The following COL5A2 variants were observed in gnomAD, a reference collection of about 807,000 sequenced individuals.
COL5A2 encodes collagen type V alpha 2 chain.
Under a neutral mutation model 208.2 loss-of-function variants are expected in COL5A2, and 23 were observed. That is an observed-to-expected ratio of 0.11 (90% confidence interval 0.08 to 0.16). COL5A2 has a LOEUF of 0.16. COL5A2 is among the 10% of genes least tolerant of loss of function. The pLI is 1.00. For synonymous variants in COL5A2, 625 were observed against 628.5 expected, an observed-to-expected ratio of 0.99 and a Z score of 0.08; for missense variants, 1,590 against 1,956.4, an observed-to-expected ratio of 0.81 and a Z score of 3.53.
At chr2:189,262,959 G>A in the COL5A2 span, among the ~76,000 whole-genome samples, 3 of 152,074 alleles carry the variant, frequency 2.0e-5, no homozygotes, top group African/African-American at 7.2e-5. Context: ...TTGCATTCCA[G>A]AGAAATTTAT....
chr2:189,359,115 A>T, the COL5A2 span, among the ~76,000 whole-genome samples: 5 of 152,174 alleles, frequency 3.3e-5, no homozygotes, highest in African/African-American at 1.2e-4. Context: ...GATGAGTAGA[A>T]GTGACAAGAG....
the COL5A2 span, among the ~76,000 whole-genome samples, chr2:189,429,444 G>A: frequency 6.6e-6 from 1 of 152,160 alleles, no homozygotes; most frequent in African/African-American, 2.4e-5. Context: ...TTCAAAGAAG[G>A]TTGACTCTAA....
the COL5A2 span, among the ~76,000 whole-genome samples, chr2:189,363,369 T>C: frequency 6.6e-6 from 1 of 152,128 alleles, no homozygotes; most frequent in Non-Finnish European, 1.5e-5. Context: ...AATTTACAAA[T>C]GTCTTCTAAA....
intron 13 of COL5A2, 74 bp downstream of exon 13, chr2:189,080,916 T>G: frequency 8.1e-7 from 1 of 1,230,334 alleles, no homozygotes; most frequent in Admixed American, 1.7e-5. Context: ...TTGTAAAGAT[T>G]TTGAAGGTAA....
Position 189,088,678 on chromosome 2 carries a change from G to C in COL5A2, c.645+17C>G. On this transcript the variant is annotated intron_variant, in intron 8 of 53. Transcript: ENST00000374866. ...TTTCACTGAAGTACTTCAATGATCAGTAAAATTTATGCTTACCACAGAGCC... is the reference window on the plus strand; with the variant it reads ...TTTCACTGAAGTACTTCAATGATCACTAAAATTTATGCTTACCACAGAGCC... 1 of 1,601,800 alleles carries C rather than the reference G, an allele frequency of 6.2e-7. No homozygotes were observed. The highest frequency in any genetic ancestry group is 8.6e-7 in the Non-Finnish European group (1 of 1,168,970).
intron 30 of COL5A2, among the ~76,000 whole-genome samples, 168 bp downstream of exon 30, chr2:189,061,394 T>A (rs982577732): frequency 6.6e-6 from 1 of 152,144 alleles, no homozygotes; most frequent in African/African-American, 2.4e-5. Context: ...TTCCTTTACT[T>A]TGAACAAAAA....
At chr2:189,091,782 C>T (rs1686791275) in intron 7 of COL5A2, among the ~76,000 whole-genome samples, 1 of 152,170 alleles carries the variant, frequency 6.6e-6, no homozygotes, top group Non-Finnish European at 1.5e-5. Flanking sequence ...CTATGTCTGA[C>T]ATTAACAATT....
chr2:189,173,156 T>C (rs1688606540), intron 1 of COL5A2, among the ~76,000 whole-genome samples: 1 of 151,876 alleles, frequency 6.6e-6, no homozygotes, highest in Admixed American at 6.6e-5. Context: ...GTATTTTTAG[T>C]AGAGACAGGG....
chr2:189,217,004 A>T (rs1216309184), intron 1 of COL5A2, among the ~76,000 whole-genome samples: 1 of 152,140 alleles, frequency 6.6e-6, no homozygotes, highest in African/African-American at 2.4e-5. Context: ...AGAGAGGGGG[A>T]AAGTGACAAC....
chr2:189,095,435 G>A (rs1193667762), intron 6 of COL5A2, among the ~76,000 whole-genome samples: 1 of 151,946 alleles, frequency 6.6e-6, no homozygotes, highest in Non-Finnish European at 1.5e-5. Flanking sequence ...ATCTGCCAGG[G>A]TTGTCTCACT....
the COL5A2 span, among the ~76,000 whole-genome samples, chr2:189,358,854 GA>G: frequency 7.0e-6 from 1 of 143,044 alleles, no homozygotes. Context: ...TTGCCTTCTT[GA>G]TTTTTTTTTT....
the COL5A2 span, among the ~76,000 whole-genome samples, chr2:189,364,548 G>A: frequency 2.2e-4 from 33 of 152,156 alleles, no homozygotes; most frequent in South Asian, 2.3e-3. Context: ...TTAGCCAGGC[G>A]TGGTGGTGGG....
chr2:189,179,346 T>A (rs577028985), intron 1 of COL5A2, among the ~76,000 whole-genome samples, 162 bp downstream of exon 1: 4 of 152,240 alleles, frequency 2.6e-5, no homozygotes, highest in African/African-American at 9.6e-5. Context: ...TTTACAAACA[T>A]CCCAATTGTC....
the COL5A2 span, among the ~76,000 whole-genome samples, chr2:189,419,229 A>G: frequency 1.3e-5 from 2 of 152,186 alleles, no homozygotes; most frequent in Non-Finnish European, 2.9e-5. Context: ...TCTGCTATCT[A>G]GAATTTATCT....
the COL5A2 span, among the ~76,000 whole-genome samples, chr2:189,429,546 G>A: frequency 6.6e-6 from 1 of 152,196 alleles, no homozygotes; most frequent in African/African-American, 2.4e-5. Context: ...CAGGTTCAGG[G>A]GTTGCCCTAC....
intron 1 of COL5A2, among the ~76,000 whole-genome samples, chr2:189,133,613 C>T (rs6752781): frequency 0.79 from 120,216 of 152,016 alleles, 50,072 homozygotes; most frequent in Non-Finnish European, 0.91. Flanking sequence ...TCTTCTGAGA[C>T]AACGGAATGA....
chr2:189,191,841 G>A (rs1688935636), intron 1 of COL5A2, among the ~76,000 whole-genome samples: 1 of 151,594 alleles, frequency 6.6e-6, no homozygotes, highest in Admixed American at 6.6e-5. Flanking sequence ...GCTGTGTCTT[G>A]AGGGAGGCAC....
chr2:189,148,999 G>A (rs1040014719), intron 1 of COL5A2, among the ~76,000 whole-genome samples: 5 of 152,110 alleles, frequency 3.3e-5, no homozygotes, highest in African/African-American at 4.8e-5. Flanking sequence ...AAATTAATTG[G>A]GCGTGGTGGC....
chr2:189,417,795 T>C, the COL5A2 span, among the ~76,000 whole-genome samples: 3 of 151,668 alleles, frequency 2.0e-5, no homozygotes, highest in South Asian at 6.2e-4. Flanking sequence ...GGCTGAGTAT[T>C]GTTCCATTGT....
Sources: allele counts gnomAD v4.1 joint callset (sites outside exome capture counted in the v4.1 genomes callset), GRCh38; gene constraint gnomAD v4.1.1; transcripts MANE v1.5; gene names NCBI Gene and HGNC (gene_info 2026-07-23, HGNC 2026-07-21).